The following CDO1 variants were observed in gnomAD, a reference collection of about 807,000 sequenced individuals.
The protein encoded by CDO1 is cysteine dioxygenase type 1.
In CDO1, 19 loss-of-function variants were observed where a neutral mutation model predicts 24.5. The observed-to-expected ratio is 0.77, with a 90% CI of 0.54 to 1.14. The LOEUF is 1.14. Ranked by LOEUF, CDO1 falls within the 50% of genes most tolerant of loss-of-function variation. The pLI is 0.00. For synonymous variants in CDO1, 91 were observed against 87.0 expected (o/e 1.05, Z -0.26); for missense variants, 244 against 244.8 (o/e 1.00, Z 0.02).
intron 1 of CDO1, 133 bp downstream of exon 1, chr5:115,816,095 G>A (rs1760426841): frequency 3.2e-6 from 2 of 616,374 alleles, no homozygotes; most frequent in South Asian, 1.9e-5. Flanking sequence ...GCTGGCCAGC[G>A]AGGGGGCGAG....
Position 115,811,176 on chromosome 5 carries a change from A to G in CDO1, c.388T>C (p.Cys130Arg), listed in dbSNP as rs1561437828. ...AAGATGTTACCATTGATGTAGGCAC[A>G]CTGGTTTTCCCTCAAGACTCTTTCA... is the stretch of plus-strand genomic sequence containing the variant. The part of the protein sequence containing the change: ...KSERVLRENQ[C>R]AYINDSIGLH... The change falls in exon 3 of 5, where the codon TGT becomes CGT. Residue 130 changes from cysteine to arginine, a missense_variant. Coordinates refer to ENST00000250535, the MANE Select transcript of CDO1 (RefSeq NM_001801.3). 6.2e-7 allele frequency: 1 copy of G among 1,613,752 alleles called. No individual in the cohort carries two copies.
rs1338638888 is a variant in CDO1 at position 115,816,604 on chromosome 5, A to C, written c.-207T>G. ...CCCACCCCCAGGCCCCTGGCAGCGC[A>C]GTGGATCCGGGATCGCTGGAGACGC... On this transcript the variant is annotated 5_prime_UTR_variant, in exon 1 of 5. Coordinates refer to ENST00000250535, the MANE Select transcript of CDO1 (RefSeq NM_001801.3). 1.2e-5 allele frequency: 7 copies of C among 587,094 alleles called. No individual in the cohort carries two copies. In the East Asian group the frequency reaches 1.7e-4, roughly 15 times the overall value. 36.4% of individuals were successfully genotyped at this position (587,094 alleles called of 1,614,324 possible). A position where few individuals can be genotyped will look rare whatever the true frequency, so the allele number is the denominator to read the frequency against.
At position 115,805,449 on chromosome 5, in the gene CDO1, G is replaced by A. The variant is rs1312743514; in HGVS notation, c.587C>T (p.Ser196Leu). 5.0e-6 allele frequency: 8 copies of A among 1,613,904 alleles called. No homozygotes were observed. Among genetic ancestry groups the A allele is most frequent in the East Asian group, 4.5e-5 (2 of 44,882 alleles). ...TGGTGCCCCTTAGTTGTTCTCCAGC[G>A]AGCCCGAAGTTGCCTGTAAAAAAGG... ...GIRTPNATSG[S>L]LENN The change falls in exon 5 of 5, where the codon TCG (serine) becomes TTG (leucine). Residue 196 changes from serine to leucine, a missense_variant. Coordinates refer to ENST00000250535, the MANE Select transcript of CDO1 (RefSeq NM_001801.3).
At position 115,806,468 on chromosome 5, in the gene CDO1, C is replaced by T. The variant is rs1361897919; in HGVS notation, c.454G>A (p.Val152Met). The change falls in exon 4 of 5, where the codon GTG becomes ATG. Residue 152 changes from valine (V) to methionine (M), a missense_variant. By Grantham distance (21) the Val-to-Met change is conservative. Coordinates refer to ENST00000250535, the MANE Select transcript of CDO1 (RefSeq NM_001801.3). ...VENISHTEPA[V>M]SLHLYSPPFD... ...GGTGGACTGTACAAGTGAAGGCTCACAGCAGGTTCCGTATGGCTGATGTTC... is the reference window on the plus strand; with the variant it reads ...GGTGGACTGTACAAGTGAAGGCTCATAGCAGGTTCCGTATGGCTGATGTTC... The T allele has an allele frequency of 3.9e-5, 63 of 1,611,218 alleles. No homozygotes were observed. The highest frequency in any genetic ancestry group is 5.2e-5 in the Non-Finnish European group (61 of 1,179,000).
intron 3 of CDO1, among the ~76,000 whole-genome samples, chr5:115,808,521 GA>G (rs1340598140): frequency 6.6e-6 from 1 of 151,586 alleles, no homozygotes; most frequent in Non-Finnish European, 1.5e-5. Context: ...AACCAAGAAT[GA>G]AAAAAAATCA....
chr5:115,808,005 G>T (rs777824530), intron 3 of CDO1, among the ~76,000 whole-genome samples: 2 of 151,880 alleles, frequency 1.3e-5, no homozygotes, highest in Non-Finnish European at 2.9e-5. Flanking sequence ...ACAAAAACAG[G>T]GTCTCATTCT....
In CDO1 at chr5:115,816,222, G is replaced by C. The variant is rs756866624; in HGVS notation, c.170+6C>G. 65 of 1,609,266 alleles carry C rather than the reference G, an allele frequency of 4.0e-5. No individual in the cohort carries two copies. Among genetic ancestry groups the C allele is most frequent in the African/African-American group, 2.1e-4 (16 of 74,614 alleles). ...CCGCCTGGCATTGAAGCTGCAGCGC[G>C]CTCACCTGTACTGGTCGAACTTGGC... On this transcript the variant is annotated splice_donor_region_variant and intron_variant, in intron 1 of 4. Coordinates refer to ENST00000250535, the MANE Select transcript of CDO1 (RefSeq NM_001801.3).
At chr5:115,813,113 G>C (rs1760263148) in intron 2 of CDO1, 68 bp downstream of exon 2, 1 of 837,882 alleles carries the variant, frequency 1.2e-6, no homozygotes, top group South Asian at 1.5e-5. Context: ...TGGCTAGCCT[G>C]GTACTATATT....
At position 115,811,165 on chromosome 5, in the gene CDO1, G is replaced by C. The variant is rs755925822; in HGVS notation, c.399C>G (p.Ile133Met). The C allele has an allele frequency of 1.9e-6, 3 of 1,613,152 alleles. No homozygotes were observed. The highest frequency in any genetic ancestry group is 2.5e-6 in the Non-Finnish European group (3 of 1,179,446). The change falls in exon 3 of 5, where the codon ATC (isoleucine) becomes ATG (methionine). Residue 133 changes from isoleucine to methionine, a missense_variant. Coordinates refer to ENST00000250535, the MANE Select transcript of CDO1 (RefSeq NM_001801.3). ...RVLRENQCAY[I>M]NDSIGLHRVE... is the part of the protein sequence containing the mutation. The stretch of plus-strand genomic sequence containing the variant: ...AGAAAAAGAATAAGATGTTACCATT[G>C]ATGTAGGCACACTGGTTTTCCCTCA...
chr5:115,815,802 A>T (rs2112698222), intron 1 of CDO1, among the ~76,000 whole-genome samples: 1 of 152,296 alleles, frequency 6.6e-6, no homozygotes, highest in South Asian at 2.1e-4. Flanking sequence ...AGGTGTCAGG[A>T]GGGCCCGAAC....
chr5:115,805,958 C>T (rs920517671), intron 4 of CDO1, among the ~76,000 whole-genome samples: 1 of 152,156 alleles, frequency 6.6e-6, no homozygotes, highest in African/African-American at 2.4e-5. Context: ...GCAAACAAAA[C>T]AGACAATTTG....
chr5:115,809,918 T>C (rs967721741), intron 3 of CDO1, among the ~76,000 whole-genome samples: 4 of 152,196 alleles, frequency 2.6e-5, no homozygotes, highest in African/African-American at 4.8e-5. Context: ...CTCCAGTTCA[T>C]ACCAGGCCTC....
At chr5:115,808,504 G>A (rs985885015) in intron 3 of CDO1, among the ~76,000 whole-genome samples, 1 of 151,876 alleles carries the variant, frequency 6.6e-6, no homozygotes, top group Non-Finnish European at 1.5e-5. Flanking sequence ...ACCAAAACAA[G>A]GGCATCAACC....
chr5:115,808,928 A>G (rs974751822), intron 3 of CDO1, among the ~76,000 whole-genome samples: 3 of 152,210 alleles, frequency 2.0e-5, no homozygotes, highest in Admixed American at 6.5e-5. Flanking sequence ...AGAATGAAGC[A>G]TAGAACCAGA....
At position 115,816,402 on chromosome 5, in the gene CDO1, T is replaced by TG; in HGVS notation, c.-6dup. On this transcript the variant is annotated 5_prime_UTR_variant, in exon 1 of 5. Coordinates refer to ENST00000250535, the MANE Select transcript of CDO1 (RefSeq NM_001801.3). ...CAGCACTTCGGTCTGTTCCATCTCG[T>TG]GGGGAGCTGGCTGCGCGCGCGTCTC... The TG allele has an allele frequency of 6.2e-7, 1 of 1,611,434 alleles. No homozygotes were observed. Among genetic ancestry groups the TG allele is most frequent in the Non-Finnish European group, 8.5e-7 (1 of 1,179,724 alleles).
chr5:115,813,293 T>G (rs545763330), intron 1 of CDO1, 35 bp from the exon 2 acceptor site: 1 of 1,189,708 alleles, frequency 8.4e-7, no homozygotes. Context: ...AGTTTTAAGT[T>G]CGTTGCTGAA....
intron 3 of CDO1, among the ~76,000 whole-genome samples, chr5:115,810,551 T>C (rs996501284): frequency 1.3e-5 from 2 of 152,250 alleles, no homozygotes; most frequent in Non-Finnish European, 2.9e-5. Context: ...AAAAACTATC[T>C]ATCTGTCTCA....
rs1188535511 is a variant in CDO1, at chr5:115,805,479, A to G, written c.574-17T>C. ...CGAAGTTGCCTGTAAAAAAGGGAAA[A>G]AAAGAAAGCTGTGTAAGAAACTTTA... is the stretch of plus-strand genomic sequence containing the variant. On this transcript the variant is annotated splice_polypyrimidine_tract_variant and intron_variant, in intron 4 of 4. Coordinates refer to ENST00000250535, the MANE Select transcript of CDO1 (RefSeq NM_001801.3). 3 of 1,613,270 alleles carry G rather than the reference A, an allele frequency of 1.9e-6. No homozygotes were observed. The highest frequency in any genetic ancestry group is 2.2e-5 in the East Asian group (1 of 44,874).
intron 4 of CDO1, 63 bp from the exon 5 acceptor site, chr5:115,805,525 T>A: frequency 6.9e-7 from 1 of 1,449,142 alleles, no homozygotes; most frequent in Middle Eastern, 1.8e-4. Flanking sequence ...TTTAACTCCT[T>A]CTAAATAGTT....
Sources: gnomAD v4.1 joint callset for allele counts (sites outside exome capture counted in the v4.1 genomes callset) on GRCh38, gnomAD v4.1.1 for gene constraint, MANE v1.5 for transcripts, NCBI Gene and HGNC (gene_info 2026-07-23, HGNC 2026-07-21) for gene names.